Variants in GRM5 observed in about 807,000 individuals in gnomAD.
GRM5 encodes the protein glutamate metabotropic receptor 5.
GRM5 carries 19 observed loss-of-function variants against 83.1 expected under a neutral mutation model. That is an observed-to-expected ratio of 0.23 (90% CI 0.16 to 0.34). The LOEUF is 0.34. Ranked by LOEUF, GRM5 falls within the 10% of genes least tolerant of loss-of-function variation. The pLI is 1.00. For missense variants in GRM5, 1,160 were observed against 1,588.3 expected (o/e 0.73, Z 4.58); for synonymous variants, 675 against 633.6 (o/e 1.07, Z -0.98).
intron 2 of GRM5, among the ~76,000 whole-genome samples, chr11:89,017,688 C>A (rs866398247): frequency 1.3e-5 from 2 of 152,148 alleles, no homozygotes; most frequent in South Asian, 2.1e-4. Flanking sequence ...CAAGCTTGAA[C>A]CCTTTAACAC....
chr11:88,864,084 C>A (rs1944616188), intron 2 of GRM5, among the ~76,000 whole-genome samples: 2 of 147,512 alleles, frequency 1.4e-5, no homozygotes, highest in African/African-American at 2.5e-5. Flanking sequence ...AAATGTGACC[C>A]TGCAGAAGGA....
At chr11:88,840,474 C>T (rs1164392029) in intron 3 of GRM5, among the ~76,000 whole-genome samples, 1 of 152,162 alleles carries the variant, frequency 6.6e-6, no homozygotes. Context: ...CCCTTTACCC[C>T]CACCTTTTTT....
intron 2 of GRM5, among the ~76,000 whole-genome samples, chr11:88,884,173 C>T (rs591893): frequency 0.75 from 113,962 of 151,466 alleles, 43,642 homozygotes; most frequent in East Asian, 0.99. Flanking sequence ...GAGCTGGAGC[C>T]CTACACTGCA....
chr11:89,047,247 T>C lies in GRM5; in HGVS notation c.626A>G (p.Tyr209Cys), dbSNP rs1295487810. The change falls in exon 2 of 10, where the codon TAC (tyrosine) becomes TGC (cysteine). Residue 209 changes from tyrosine to cysteine, a missense_variant. This residue lies in a region of GRM5 where 84 missense variants were observed against 231.0 expected (regional missense o/e 0.36). Transcript: ENST00000305447. This position sits in a 1 kb window ranked among gnomAD's most constrained non-coding sequence, Gnocchi z 5.1. ...ARAMVDIVKR[Y>C]NWTYVSAVHT... ...CACGGCTGATACATAGGTCCAGTTG[T>C]ACCTCTTCACTATGTCCACCATGGC... 6.2e-7 allele frequency: 1 copy of C among 1,613,950 alleles called. No homozygotes were observed. Among genetic ancestry groups the C allele is most frequent in the East Asian group, 2.2e-5 (1 of 44,866 alleles).
intron 2 of GRM5, among the ~76,000 whole-genome samples, chr11:88,879,332 T>A (rs1168637133): frequency 6.6e-6 from 1 of 151,876 alleles, no homozygotes; most frequent in African/African-American, 2.4e-5. Flanking sequence ...GTAATCTTAG[T>A]ACTCAACAAC....
chr11:88,979,332 A>G (rs1939449120), intron 2 of GRM5, among the ~76,000 whole-genome samples: 1 of 152,222 alleles, frequency 6.6e-6, no homozygotes, highest in Non-Finnish European at 1.5e-5. Flanking sequence ...CAAAATGTAA[A>G]CAAAATGATT....
At chr11:88,638,162 G>C (rs1412080069) in intron 4 of GRM5, among the ~76,000 whole-genome samples, 1 of 114,238 alleles carries the variant, frequency 8.8e-6, no homozygotes, top group East Asian at 3.1e-4. Flanking sequence ...TGGTGGGGTG[G>C]GGGGAGGGGG....
chr11:88,530,291 T>C (rs1332915016), intron 8 of GRM5, among the ~76,000 whole-genome samples: 1 of 152,056 alleles, frequency 6.6e-6, no homozygotes, highest in Non-Finnish European at 1.5e-5. Flanking sequence ...AGTTTTCTTA[T>C]AAACTATGGA....
rs181168780 is a variant in GRM5, at chr11:89,045,149, T to C, written c.661+2063A>G. 3.8e-3 allele frequency among the ~76,000 whole-genome samples: 577 copies of C among 152,334 alleles called. 2 individuals are homozygous for C. The highest frequency in any genetic ancestry group is 0.013 in the African/African-American group (538 of 41,572). On this transcript the variant is annotated intron_variant, in intron 2 of 9. Transcript: ENST00000305447. ...CCAAGGTTTGTTCTCTCCTGAATCC[T>C]GGTGGTACAACCTAAATATTTTGCC...
At chr11:88,846,524 G>A (rs1944306057) in intron 3 of GRM5, among the ~76,000 whole-genome samples, 1 of 152,192 alleles carries the variant, frequency 6.6e-6, no homozygotes, top group Admixed American at 6.5e-5. Flanking sequence ...ATGTGCTGAT[G>A]GATGAGGTTG....
chr11:88,807,276 G>T (rs1053980971), intron 3 of GRM5, among the ~76,000 whole-genome samples: 9 of 152,104 alleles, frequency 5.9e-5, no homozygotes, highest in Non-Finnish European at 1.3e-4. Context: ...TTAGAAAGGG[G>T]ATCTTTGGAA....
intron 3 of GRM5, among the ~76,000 whole-genome samples, chr11:88,778,495 C>G (rs1942906783): frequency 6.6e-6 from 1 of 152,220 alleles, no homozygotes; most frequent in Non-Finnish European, 1.5e-5. Context: ...ATCAACCAGG[C>G]ACTTCAGTTG....
At chr11:88,974,733 G>A (rs1041667182) in intron 2 of GRM5, among the ~76,000 whole-genome samples, 4 of 151,926 alleles carry the variant, frequency 2.6e-5, no homozygotes, top group Non-Finnish European at 5.9e-5. Context: ...CATTAAAACC[G>A]TATCAACTTT....
chr11:88,678,120 A>G (rs1940384181), intron 3 of GRM5, among the ~76,000 whole-genome samples: 2 of 151,598 alleles, frequency 1.3e-5, no homozygotes, highest in Non-Finnish European at 2.9e-5. Flanking sequence ...GTACAGTAGC[A>G]TAATCATAGC....
At chr11:88,884,160 C>T (rs1248473813) in intron 2 of GRM5, among the ~76,000 whole-genome samples, 1 of 150,834 alleles carries the variant, frequency 6.6e-6, no homozygotes, top group African/African-American at 2.4e-5. Context: ...CAGCTCATGA[C>T]AAGAGCTGGA....
intron 1 of GRM5, among the ~76,000 whole-genome samples, chr11:89,048,519 C>A (rs1446461898): frequency 6.6e-6 from 1 of 152,168 alleles, no homozygotes; most frequent in Non-Finnish European, 1.5e-5. Flanking sequence ...CTTTTGAAAT[C>A]TTTAGCCTTG....
intron 4 of GRM5, among the ~76,000 whole-genome samples, chr11:88,626,650 C>G (rs1938805104): frequency 6.6e-6 from 1 of 152,024 alleles, no homozygotes; most frequent in African/African-American, 2.4e-5. Flanking sequence ...ATTACGTCCC[C>G]TCAAATACCC....
intron 3 of GRM5, among the ~76,000 whole-genome samples, chr11:88,685,297 G>A (rs1940592285): frequency 6.6e-6 from 1 of 152,170 alleles, no homozygotes; most frequent in Non-Finnish European, 1.5e-5. Context: ...GTGGAACTTT[G>A]AAATTGAGAG....
intron 4 of GRM5, among the ~76,000 whole-genome samples, chr11:88,608,701 T>C (rs1268394623): frequency 6.6e-6 from 1 of 151,960 alleles, no homozygotes; most frequent in African/African-American, 2.4e-5. Flanking sequence ...TTTGTATTTT[T>C]AGTAGAGACG....
Sources: allele counts gnomAD v4.1 joint callset (sites outside exome capture counted in the v4.1 genomes callset), GRCh38; gene constraint gnomAD v4.1.1; regional missense constraint gnomAD v4.1.1; non-coding constraint Gnocchi (gnomAD v3.1); transcripts MANE v1.5; gene names NCBI Gene and HGNC (gene_info 2026-07-23, HGNC 2026-07-21).